CD109: variants seen among roughly 807,000 people sequenced by gnomAD.
CD109 encodes CD109 molecule, also known as CD109 antigen.
CD109 carries 149 observed loss-of-function variants against 165.8 expected under a neutral mutation model. The ratio of observed to expected loss-of-function variants is 0.90; its 90% CI spans 0.79 to 1.03. The LOEUF is 1.03. Among genes scored for constraint, CD109 ranks in the 50% least tolerant of loss-of-function variants. The pLI, the probability that CD109 is intolerant of heterozygous loss-of-function variation, is 0.00. For missense variants in CD109, 1,712 were observed against 1,677.8 expected (o/e 1.02, Z -0.36); for synonymous variants, 585 against 592.1 (o/e 0.99, Z 0.18).
At chr6:73,775,758 G>A (rs561816863) in intron 15 of CD109, among the ~76,000 whole-genome samples, 1 of 152,264 alleles carries the variant, frequency 6.6e-6, no homozygotes, top group East Asian at 1.9e-4. Flanking sequence ...ACTTATAAGT[G>A]AGAACATGTG....
rs149142554 is a variant in CD109, at chr6:73,818,399, C to T, written c.3923C>T (p.Pro1308Leu). ...DLNVCTSFSG[P>L]GRSGMALMEV... Reference sequence around the variant, plus strand: ...CCTCTTTGATTTAGCTTTTCGGGCCCGGGTAGGAGTGGCATGGCTCTTATG... The same window carrying T: ...CCTCTTTGATTTAGCTTTTCGGGCCTGGGTAGGAGTGGCATGGCTCTTATG... The change falls in exon 31 of 33, where the codon CCG (proline) becomes CTG (leucine). Residue 1308 changes from proline to leucine, a missense_variant. Transcript: ENST00000287097. The T allele has an allele frequency of 4.4e-4, 708 of 1,613,562 alleles. No individual in the cohort carries two copies. The highest frequency in any genetic ancestry group is 5.4e-4 in the Non-Finnish European group (634 of 1,179,892).
chr6:73,799,770 C>G (rs1305939344), intron 23 of CD109, among the ~76,000 whole-genome samples: 1 of 152,048 alleles, frequency 6.6e-6, no homozygotes, highest in Non-Finnish European at 1.5e-5. Flanking sequence ...TACCAGTAAC[C>G]TACTTCATTA....
rs1334239145 is a variant in CD109, at chr6:73,766,831, C to T, written c.1405C>T (p.Gln469Ter). 6.2e-7 allele frequency: 1 copy of T among 1,612,016 alleles called. No individual in the cohort carries two copies. Among genetic ancestry groups the T allele is most frequent in the South Asian group, 1.1e-5 (1 of 90,972 alleles). Residue 469 changes from glutamine to a stop codon, truncating the protein, a stop_gained, in exon 12 of 33, where the codon CAA becomes TAA. Coordinates refer to ENST00000287097, the MANE Select transcript of CD109 (RefSeq NM_133493.5). LOFTEE classifies it high-confidence loss of function. ...TAAGTCTCCTAGTAAGACATACATC[C>T]AACTAAAAACAAGAGATGAAAATAT... Reference protein sequence around the residue: ...LFKSPSKTYIQLKTRDENIKV... With the variant: ...LFKSPSKTYI
chr6:73,758,649 C>G (rs931407500), intron 6 of CD109, among the ~76,000 whole-genome samples: 1 of 152,028 alleles, frequency 6.6e-6, no homozygotes, highest in East Asian at 1.9e-4. Context: ...CTCCCGAGTT[C>G]TAGAATTACA....
chr6:73,807,219 T>C (rs1240852429), intron 25 of CD109, 147 bp downstream of exon 25: 1 of 637,724 alleles, frequency 1.6e-6, no homozygotes, highest in African/African-American at 1.8e-5. Context: ...TGCTTTGCAT[T>C]TGTGGCCATG....
intron 5 of CD109, among the ~76,000 whole-genome samples, chr6:73,738,436 T>A (rs897666882): frequency 6.6e-6 from 1 of 152,200 alleles, no homozygotes; most frequent in Admixed American, 6.5e-5. Flanking sequence ...CTATGCACAA[T>A]GACCAGCAAG....
At chr6:73,816,977 G>T (rs886129997) in intron 30 of CD109, among the ~76,000 whole-genome samples, 1 of 152,172 alleles carries the variant, frequency 6.6e-6, no homozygotes, top group Non-Finnish European at 1.5e-5. Flanking sequence ...GTGGTAGGTA[G>T]AGCCTGAAGA....
upstream of CD109, chr6:73,695,843 T>C (rs971740232): frequency 5.9e-5 from 17 of 286,410 alleles, no homozygotes; most frequent in Non-Finnish European, 8.0e-5. Context: ...CTGGGCATCG[T>C]TGGTAGAGCG....
chr6:73,712,122 T>G (rs1487358695), intron 2 of CD109, among the ~76,000 whole-genome samples: 2 of 152,198 alleles, frequency 1.3e-5, no homozygotes, highest in Admixed American at 1.3e-4. Context: ...GGCAGGAGGA[T>G]TGCTTGAACC....
chr6:73,821,001 G>A lies in CD109; in HGVS notation c.4162+438G>A, dbSNP rs150121551. 8.7e-4 allele frequency among the ~76,000 whole-genome samples: 132 copies of A among 152,262 alleles called. 1 individual carries two copies. The highest frequency in any genetic ancestry group is 2.9e-3 in the African/African-American group (120 of 41,544). On this transcript the variant is annotated intron_variant, in intron 32 of 32. Transcript: ENST00000287097. ...CAGCTATAAAAAAGGATGAGTTCAT[G>A]TCCTTTGTAGGGACATGGATGAAGC...
intron 18 of CD109, 49 bp downstream of exon 18, chr6:73,782,804 G>A: frequency 6.3e-7 from 1 of 1,579,674 alleles, no homozygotes; most frequent in Non-Finnish European, 8.7e-7. Flanking sequence ...TTTAGTGTTT[G>A]TTTTAAATAA....
At chr6:73,798,973 C>G (rs1456460990) in intron 23 of CD109, among the ~76,000 whole-genome samples, 1 of 151,970 alleles carries the variant, frequency 6.6e-6, no homozygotes, top group Non-Finnish European at 1.5e-5. Flanking sequence ...TTCTTCTTCC[C>G]TCTCCTCTCC....
intron 2 of CD109, among the ~76,000 whole-genome samples, chr6:73,704,373 C>T (rs960701161): frequency 1.3e-5 from 2 of 152,146 alleles, no homozygotes; most frequent in African/African-American, 4.8e-5. Context: ...GGGAAGGCTC[C>T]TCGTGGACTT....
intron 23 of CD109, among the ~76,000 whole-genome samples, chr6:73,800,767 G>A (rs1018121003): frequency 4.0e-5 from 6 of 151,610 alleles, no homozygotes; most frequent in Non-Finnish European, 8.8e-5. Context: ...TTTTTATAGG[G>A]CTTTTTATCC....
chr6:73,823,743 T>C lies in CD109; in HGVS notation c.*110T>C. ...TATTTTGAAAAAAGAGTTTTTTTTC[T>C]TTCTATGGGGTTGCAGGGATGGTGT... On this transcript the variant is annotated 3_prime_UTR_variant, in exon 33 of 33. Transcript: ENST00000287097. The C allele has an allele frequency of 9.7e-7, 1 of 1,028,822 alleles. No homozygotes were observed. Among genetic ancestry groups the C allele is most frequent in the Non-Finnish European group, 1.4e-6 (1 of 707,914 alleles). The allele number at this position is 1,028,822 out of a possible 1,614,324, so 63.7% of individuals were successfully genotyped here. A position where few individuals can be genotyped will look rare whatever the true frequency, so the allele number is the denominator to read the frequency against.
intron 22 of CD109, among the ~76,000 whole-genome samples, chr6:73,791,575 C>T (rs994541144): frequency 2.6e-5 from 4 of 151,922 alleles, no homozygotes; most frequent in South Asian, 2.1e-4. Flanking sequence ...GGAAATACCC[C>T]GAGGCTTAAT....
chr6:73,770,829 G>A (rs962661662), intron 14 of CD109, among the ~76,000 whole-genome samples: 20 of 152,200 alleles, frequency 1.3e-4, no homozygotes, highest in African/African-American at 4.8e-4. Flanking sequence ...GATGACTGAT[G>A]CTCTTTATAA....
intron 31 of CD109, among the ~76,000 whole-genome samples, chr6:73,819,824 T>C (rs1277074239): frequency 1.3e-5 from 2 of 152,256 alleles, no homozygotes; most frequent in Non-Finnish European, 2.9e-5. Context: ...TCTTCTATCT[T>C]TGATGCTCTT....
intron 31 of CD109, 55 bp downstream of exon 31, chr6:73,818,590 G>T: frequency 6.7e-7 from 1 of 1,497,464 alleles, no homozygotes; most frequent in African/African-American, 1.4e-5. Context: ...TTTGTATTCA[G>T]GTGTCTACCT....
Sources: gnomAD v4.1 joint callset for allele counts (sites outside exome capture counted in the v4.1 genomes callset) on GRCh38, gnomAD v4.1.1 for gene constraint, MANE v1.5 for transcripts, NCBI Gene and HGNC (gene_info 2026-07-23, HGNC 2026-07-21) for gene names.